LARP1: variants seen among roughly 807,000 people sequenced by gnomAD.
The protein encoded by LARP1 is La ribonucleoprotein 1, translational regulator.
In LARP1, 36 loss-of-function variants were observed where a neutral mutation model predicts 122.7. The observed-to-expected ratio is 0.29, with a 90% CI of 0.22 to 0.39. The LOEUF (loss-of-function observed/expected upper bound fraction) is 0.39. LARP1 is among the 10% of genes least tolerant of loss of function. The probability of loss-of-function intolerance (pLI) is 1.00; values close to 1 mark genes in which losing one functional copy is unlikely to be tolerated. For missense variants in LARP1, 1,040 were observed against 1,403.6 expected (o/e 0.74, Z 4.14); for synonymous variants, 539 against 528.7 (o/e 1.02, Z -0.27).
chr5:154,763,054 C>CTTTT (rs147728579), intron 1 of LARP1, among the ~76,000 whole-genome samples: 7 of 129,922 alleles, frequency 5.4e-5, no homozygotes, highest in African/African-American at 8.5e-5. Flanking sequence ...TGAGCAGATG[C>CTTTT]TTTTTTTTTT....
rs1015777616 is a variant in LARP1 at position 154,817,518 on chromosome 5, C to G, written c.*3422C>G. 1 of 152,700 alleles carries G rather than the reference C, an allele frequency of 6.5e-6. No homozygotes were observed. Among genetic ancestry groups the G allele is most frequent in the Middle Eastern group, 3.4e-3 (1 of 294 alleles). The allele number at this position is 152,700 out of a possible 1,614,324, so 9.5% of individuals were successfully genotyped here. ...AAGTGATTCATTCATTATTCTAGTCCTGCTTTAGTCCTTTGTAATTTGTGG... is the reference window on the plus strand; with the variant it reads ...AAGTGATTCATTCATTATTCTAGTCGTGCTTTAGTCCTTTGTAATTTGTGG... On this transcript the variant is annotated 3_prime_UTR_variant, in exon 19 of 19. Coordinates refer to ENST00000518297, the MANE Select transcript of LARP1 (RefSeq NM_033551.3).
intron 1 of LARP1, among the ~76,000 whole-genome samples, chr5:154,746,214 C>T (rs965442281): frequency 2.2e-4 from 34 of 151,708 alleles, no homozygotes; most frequent in African/African-American, 7.5e-4. Context: ...TTGTTCCCAG[C>T]GGGAGGGACC....
chr5:154,756,051 GC>G lies in LARP1; in HGVS notation c.296del (p.Pro99GlnfsTer26). On this transcript the variant is annotated frameshift_variant, in exon 1 of 19. Coordinates refer to ENST00000518297, the MANE Select transcript of LARP1 (RefSeq NM_033551.3). LOFTEE classifies it high-confidence loss of function. Reference sequence around the variant, plus strand: ...GCGACGGGGAGGAGGGCGGCGGCGAGCCAGGCGCTGGCGGAGGAGCTGCCGG... The same window carrying G: ...GCGACGGGGAGGAGGGCGGCGGCGAGCAGGCGCTGGCGGAGGAGCTGCCGG... ...ISDGEEGGGE[P>X]GAGGGAAGAA... The G allele has an allele frequency of 9.2e-7, 1 of 1,088,980 alleles. No individual in the cohort carries two copies. The highest frequency in any genetic ancestry group is 1.1e-6 in the Non-Finnish European group (1 of 889,568). 67.5% of individuals were successfully genotyped at this position (1,088,980 alleles called of 1,614,324 possible).
chr5:154,812,896 A>G (rs896093689), intron 18 of LARP1, among the ~76,000 whole-genome samples: 1 of 152,128 alleles, frequency 6.6e-6, no homozygotes, highest in Non-Finnish European at 1.5e-5. Context: ...AACTGCCCCC[A>G]TGATGCAATT....
intron 1 of LARP1, among the ~76,000 whole-genome samples, chr5:154,735,159 G>A (rs1203060768): frequency 6.6e-6 from 1 of 152,118 alleles, no homozygotes; most frequent in Non-Finnish European, 1.5e-5. Context: ...TGGCTCTTTA[G>A]GACCCTGCTT....
intron 1 of LARP1, among the ~76,000 whole-genome samples, chr5:154,723,908 T>C (rs1347730642): frequency 6.6e-6 from 1 of 152,194 alleles, no homozygotes; most frequent in Non-Finnish European, 1.5e-5. Context: ...CCCTCTACTC[T>C]GGATTGCCAG....
At chr5:154,698,076 C>T (rs951019926) in intron 1 of LARP1, among the ~76,000 whole-genome samples, 4 of 151,982 alleles carry the variant, frequency 2.6e-5, no homozygotes, top group Non-Finnish European at 4.4e-5. Flanking sequence ...TGCTAACAAT[C>T]ATCTGAGCCT....
chr5:154,751,010 T>C (rs777021733), upstream of LARP1, among the ~76,000 whole-genome samples: 4 of 152,154 alleles, frequency 2.6e-5, no homozygotes, highest in African/African-American at 4.8e-5. Context: ...TTTTTTGGCC[T>C]CTCTTTTTTT....
At chr5:154,777,631 T>A (rs1225140420) in intron 1 of LARP1, among the ~76,000 whole-genome samples, 1 of 152,210 alleles carries the variant, frequency 6.6e-6, no homozygotes, top group Non-Finnish European at 1.5e-5. Flanking sequence ...AAAGATTTTT[T>A]AAAATGGCAC....
chr5:154,803,087 T>C lies in LARP1; in HGVS notation c.2110-203T>C, dbSNP rs1299487274. Reference sequence around the variant, plus strand: ...TACAGGGAGGGCAGGGCAAGCACTGTCTTCTTCTGGGCTAGCACACTTGTG... The same window carrying C: ...TACAGGGAGGGCAGGGCAAGCACTGCCTTCTTCTGGGCTAGCACACTTGTG... On this transcript the variant is annotated intron_variant, in intron 11 of 18. Transcript: ENST00000518297. The surrounding 1 kb of genome is among the most constrained non-coding windows in gnomAD (Gnocchi z 4.4). Among the ~76,000 whole-genome samples the C allele has an allele frequency of 6.6e-6, 1 of 152,148 alleles. No individual in the cohort carries two copies. Among genetic ancestry groups the C allele is most frequent in the Non-Finnish European group, 1.5e-5 (1 of 68,024 alleles).
chr5:154,786,144 G>T (rs907282231), intron 1 of LARP1, among the ~76,000 whole-genome samples: 1 of 152,268 alleles, frequency 6.6e-6, no homozygotes, highest in African/African-American at 2.4e-5. Flanking sequence ...CCGGGTTCAA[G>T]CGACTGTCCT....
chr5:154,683,588 A>G (rs2113164644), intron 1 of LARP1, among the ~76,000 whole-genome samples: 1 of 152,202 alleles, frequency 6.6e-6, no homozygotes, highest in Non-Finnish European at 1.5e-5. Flanking sequence ...CACCTAGGCC[A>G]CTGAACTTCC....
intron 1 of LARP1, among the ~76,000 whole-genome samples, chr5:154,723,000 C>G (rs1047800275): frequency 2.6e-5 from 4 of 152,198 alleles, no homozygotes; most frequent in Admixed American, 2.0e-4. Flanking sequence ...GGTTTTAACT[C>G]TTCTCTGCTT....
chr5:154,699,430 G>A (rs1191621717), intron 1 of LARP1, among the ~76,000 whole-genome samples: 1 of 151,938 alleles, frequency 6.6e-6, no homozygotes, highest in Non-Finnish European at 1.5e-5. Flanking sequence ...CACTTTGAGA[G>A]GATGGCTTGA....
At chr5:154,729,328 G>A (rs76421782) in intron 1 of LARP1, 22,588 of 217,804 alleles carry the variant, frequency 0.1, 1,352 homozygotes, top group South Asian at 0.18. Flanking sequence ...ATGCAAAGCT[G>A]TAAGATGATA....
At chr5:154,722,886 G>A (rs1755967308) in intron 1 of LARP1, among the ~76,000 whole-genome samples, 1 of 152,076 alleles carries the variant, frequency 6.6e-6, no homozygotes. Context: ...TTATCATGTT[G>A]GCCAGCCTGG....
intron 1 of LARP1, among the ~76,000 whole-genome samples, chr5:154,760,656 TC>T (rs778297249): frequency 9.2e-5 from 14 of 152,110 alleles, no homozygotes; most frequent in Non-Finnish European, 1.2e-4. Flanking sequence ...GAACCATAGA[TC>T]CAACTGCCAG....
intron 3 of LARP1, 138 bp downstream of exon 3, chr5:154,790,848 A>C: frequency 1.2e-6 from 1 of 802,350 alleles, no homozygotes; most frequent in Non-Finnish European, 2.0e-6. Flanking sequence ...ACAGAGTTTC[A>C]CTCTTTTTGC....
chr5:154,754,706 T>C (rs1163383908), upstream of LARP1, among the ~76,000 whole-genome samples: 1 of 151,914 alleles, frequency 6.6e-6, no homozygotes, highest in African/African-American at 2.4e-5. Context: ...CATCTCCGGG[T>C]AGTGTCGAGG....
Sources: allele counts gnomAD v4.1 joint callset (sites outside exome capture counted in the v4.1 genomes callset), GRCh38; gene constraint gnomAD v4.1.1; non-coding constraint Gnocchi (gnomAD v3.1); transcripts MANE v1.5; gene names NCBI Gene and HGNC (gene_info 2026-07-23, HGNC 2026-07-21).